The following XRCC4 variants were observed in gnomAD, a reference collection of about 807,000 sequenced individuals.
The protein encoded by XRCC4 is DNA repair protein XRCC4.
A neutral mutation model predicts 39.1 loss-of-function variants in XRCC4; 28 were observed. The observed-to-expected ratio is 0.72, with a 90% CI of 0.53 to 0.98. The LOEUF is 0.98. Ranked by LOEUF, XRCC4 falls within the 50% of genes least tolerant of loss-of-function variation. XRCC4 has a pLI of 0.00. For synonymous variants in XRCC4, 123 were observed against 126.4 expected (o/e 0.97, Z 0.18); for missense variants, 350 against 376.4 (o/e 0.93, Z 0.58).
chr5:83,316,609 C>G (rs1755895075), intron 7 of XRCC4, among the ~76,000 whole-genome samples: 1 of 146,760 alleles, frequency 6.8e-6, no homozygotes, highest in Non-Finnish European at 1.5e-5. Flanking sequence ...ACAAAGAAGG[C>G]CATTACATAA....
chr5:83,341,808 C>T (rs190569616), intron 7 of XRCC4, among the ~76,000 whole-genome samples: 2 of 152,216 alleles, frequency 1.3e-5, no homozygotes, highest in African/African-American at 2.4e-5. Context: ...TTTACTGAGC[C>T]TTCTTATTAA....
chr5:83,098,641 A>G (rs1745786975), intron 1 of XRCC4, among the ~76,000 whole-genome samples: 1 of 152,142 alleles, frequency 6.6e-6, no homozygotes, highest in Non-Finnish European at 1.5e-5. Context: ...TTGGAAATTT[A>G]AAGGCAAACT....
At chr5:83,161,345 T>A (rs1749202913) in intron 3 of XRCC4, among the ~76,000 whole-genome samples, 1 of 152,278 alleles carries the variant, frequency 6.6e-6, no homozygotes, top group Admixed American at 6.5e-5. Flanking sequence ...TTGGCCAGGC[T>A]GTTCGTGAAC....
chr5:83,093,196 A>G (rs1745512067), intron 1 of XRCC4, among the ~76,000 whole-genome samples: 1 of 152,184 alleles, frequency 6.6e-6, no homozygotes. Context: ...ACTTTAAGTC[A>G]AAAGCTGTAA....
chr5:83,154,606 T>C (rs1297378883), intron 3 of XRCC4, among the ~76,000 whole-genome samples: 1 of 152,234 alleles, frequency 6.6e-6, no homozygotes, highest in Admixed American at 6.5e-5. Flanking sequence ...TCCCTGAGTC[T>C]TTCTGGTTTT....
chr5:83,239,592 G>A (rs1366210112), intron 6 of XRCC4, among the ~76,000 whole-genome samples: 1 of 152,174 alleles, frequency 6.6e-6, no homozygotes, highest in Non-Finnish European at 1.5e-5. Context: ...CACTTTGGGA[G>A]GCCGAGGCGG....
chr5:83,139,964 G>A (rs546754782), intron 3 of XRCC4, among the ~76,000 whole-genome samples: 1 of 152,268 alleles, frequency 6.6e-6, no homozygotes, highest in Non-Finnish European at 1.5e-5. Flanking sequence ...AAAGCCATTA[G>A]TTCAATGTAG....
At chr5:83,253,114 A>G (rs748945777) in intron 6 of XRCC4, among the ~76,000 whole-genome samples, 7 of 152,246 alleles carry the variant, frequency 4.6e-5, no homozygotes, top group Non-Finnish European at 1.0e-4. Flanking sequence ...AAGGAGGCAC[A>G]TAGATGAGCC....
downstream of XRCC4, among the ~76,000 whole-genome samples, chr5:83,357,778 T>A (rs1388073698): frequency 2.6e-5 from 4 of 152,108 alleles, no homozygotes; most frequent in Admixed American, 6.5e-5. Context: ...GTCCGGAAAT[T>A]GGAAAGGAAA....
intron 3 of XRCC4, among the ~76,000 whole-genome samples, chr5:83,147,545 G>T (rs1561362542): frequency 6.6e-6 from 1 of 152,078 alleles, no homozygotes; most frequent in East Asian, 1.9e-4. Flanking sequence ...GTTACCTGGG[G>T]TTGGGGGTGG....
At chr5:83,187,697 A>G (rs141173895) in intron 3 of XRCC4, among the ~76,000 whole-genome samples, 16 of 152,310 alleles carry the variant, frequency 1.1e-4, no homozygotes, top group African/African-American at 3.8e-4. Flanking sequence ...ACATTAATCT[A>G]CAGAAGTTTC....
intron 1 of XRCC4, among the ~76,000 whole-genome samples, chr5:83,090,859 A>G (rs563040155): frequency 6.6e-6 from 1 of 152,210 alleles, no homozygotes; most frequent in South Asian, 2.1e-4. Flanking sequence ...ACACACACTC[A>G]TTATTTTTTG....
intron 3 of XRCC4, among the ~76,000 whole-genome samples, chr5:83,149,183 G>A (rs1160034460): frequency 6.6e-6 from 1 of 152,130 alleles, no homozygotes; most frequent in Non-Finnish European, 1.5e-5. Context: ...TCAATCCACT[G>A]ATGATTCTTT....
intron 7 of XRCC4, among the ~76,000 whole-genome samples, chr5:83,345,458 A>C (rs1225306120): frequency 6.6e-6 from 1 of 152,198 alleles, no homozygotes; most frequent in Non-Finnish European, 1.5e-5. Context: ...GCCTCAAAAA[A>C]TTAGTTATTT....
intron 3 of XRCC4, among the ~76,000 whole-genome samples, chr5:83,172,419 A>G (rs1749771569): frequency 6.6e-6 from 1 of 152,148 alleles, no homozygotes; most frequent in African/African-American, 2.4e-5. Flanking sequence ...GGAAGATTTA[A>G]TGCAGATGAT....
At chr5:83,353,894 A>G (rs1404659607), downstream of XRCC4, 1 of 152,220 alleles carries the variant, frequency 6.6e-6, no homozygotes, top group Non-Finnish European at 1.5e-5. Flanking sequence ...TTCAGGGATT[A>G]TTGATAAAAG....
At chr5:83,274,953 A>C in intron 7 of XRCC4, among the ~76,000 whole-genome samples, 1 of 152,224 alleles carries the variant, frequency 6.6e-6, no homozygotes, top group East Asian at 1.9e-4. Context: ...GGAAGTAAGG[A>C]GTTATCACTG....
intron 1 of XRCC4, among the ~76,000 whole-genome samples, chr5:83,081,545 A>G (rs1744941771): frequency 1.3e-5 from 2 of 152,220 alleles, no homozygotes; most frequent in South Asian, 4.1e-4. Context: ...TGTCACACAC[A>G]AAAAATAAGA....
chr5:83,283,244 C>A (rs1475268128), intron 7 of XRCC4, among the ~76,000 whole-genome samples: 2 of 152,180 alleles, frequency 1.3e-5, no homozygotes, highest in African/African-American at 4.8e-5. Flanking sequence ...TCAACACCCT[C>A]ATTTTACATT....
Sources: gnomAD v4.1 joint callset for allele counts (sites outside exome capture counted in the v4.1 genomes callset) on GRCh38, gnomAD v4.1.1 for gene constraint, MANE v1.5 for transcripts, NCBI Gene and HGNC (gene_info 2026-07-23, HGNC 2026-07-21) for gene names.